The following ZDHHC15 variants were observed in gnomAD, a reference collection of about 807,000 sequenced individuals.
The protein encoded by ZDHHC15 is zDHHC palmitoyltransferase 15.
Under a neutral mutation model 31.7 loss-of-function variants are expected in ZDHHC15, and 19 were observed. That is an observed-to-expected ratio of 0.60 (90% CI 0.42 to 0.88). ZDHHC15 has a LOEUF of 0.88. Ranked by LOEUF, ZDHHC15 falls within the 40% of genes least tolerant of loss-of-function variation. ZDHHC15 has a pLI of 0.00. For missense variants in ZDHHC15, 209 were observed against 251.2 expected, an observed-to-expected ratio of 0.83 and a Z score of 1.14; for synonymous variants, 103 against 90.0, an observed-to-expected ratio of 1.14 and a Z score of -0.82.
At chrX:75,387,918 G>A (rs1048906338) in intron 10 of ZDHHC15, among the ~76,000 whole-genome samples, 1 of 111,738 alleles carries the variant, frequency 8.9e-6, no homozygotes, top group Non-Finnish European at 1.9e-5. Context: ...TCAAAGAGAA[G>A]ATCCTAAATA....
chrX:75,421,620 T>C (rs2083642627), intron 9 of ZDHHC15, among the ~76,000 whole-genome samples: 1 of 100,578 alleles, frequency 9.9e-6, no homozygotes, highest in Admixed American at 1.2e-4. Context: ...TTTTGATAGA[T>C]ATTACCAAAT....
chrX:75,411,869 G>A (rs2083489134), intron 10 of ZDHHC15, among the ~76,000 whole-genome samples: 1 of 111,919 alleles, frequency 8.9e-6, no homozygotes, highest in Non-Finnish European at 1.9e-5. Flanking sequence ...TTTGCAAACT[G>A]TATACCTGAT....
chrX:75,444,640 G>GTGTATA (rs1377565097), intron 4 of ZDHHC15, among the ~76,000 whole-genome samples: 2 of 22,729 alleles, frequency 8.8e-5, no homozygotes, highest in African/African-American at 4.7e-4. Context: ...AAGCAACACT[G>GTGTATA]TATATATATA....
chrX:75,432,447 A>G lies in ZDHHC15; in HGVS notation c.380-927T>C, dbSNP rs769035731. 9.8e-5 allele frequency among the ~76,000 whole-genome samples: 11 copies of G among 112,307 alleles called. No individual in the cohort carries two copies. The East Asian group carries it at 3.1e-3, about 31-fold the overall frequency. The stretch of plus-strand genomic sequence containing the variant: ...CAGAGATTTGTGTTTACTTCCACTA[A>G]TGGAAGTATGTGAGTGACTAAAGTC... On this transcript the variant is annotated intron_variant, in intron 4 of 11. Coordinates refer to ENST00000373367, the MANE Select transcript of ZDHHC15 (RefSeq NM_144969.3).
intron 10 of ZDHHC15, among the ~76,000 whole-genome samples, chrX:75,392,617 T>C (rs1253309292): frequency 2.7e-5 from 3 of 112,194 alleles, no homozygotes; most frequent in Non-Finnish European, 5.6e-5. Context: ...AACTATCCTT[T>C]GTACAACTGC....
intron 10 of ZDHHC15, chrX:75,384,866 A>G: frequency 2.1e-6 from 1 of 469,622 alleles, no homozygotes; most frequent in East Asian, 3.9e-5. Flanking sequence ...TCTGGGCTGT[A>G]AAAAAAAAGA....
intron 2 of ZDHHC15, among the ~76,000 whole-genome samples, chrX:75,492,672 T>C (rs1222634323): frequency 8.9e-6 from 1 of 111,752 alleles, no homozygotes; most frequent in African/African-American, 3.3e-5. Context: ...AACCTGCTCC[T>C]GAATGACTAC....
chrX:75,516,122 A>G (rs2085352142), intron 1 of ZDHHC15, among the ~76,000 whole-genome samples: 1 of 112,042 alleles, frequency 8.9e-6, no homozygotes, highest in East Asian at 2.8e-4. Context: ...ATGCTCATGG[A>G]TAGGAAGAAT....
rs185489371 is a variant in ZDHHC15, at chrX:75,438,906, A to G, written c.380-7386T>C. 8.0e-3 allele frequency among the ~76,000 whole-genome samples: 895 copies of G among 111,557 alleles called. 9 individuals are homozygous for G. Among genetic ancestry groups the G allele is most frequent in the African/African-American group, 0.027 (822 of 30,731 alleles). On this transcript the variant is annotated intron_variant, in intron 4 of 11. Transcript: ENST00000373367. The stretch of plus-strand genomic sequence containing the variant: ...CTAAAAAATATTTTATCTTTCCTTC[A>G]TTTATGAAGTTTTCTTTCGCTGGAT...
Position 75,431,431 on chromosome X carries a change from G to T in ZDHHC15, c.449+20C>A, listed in dbSNP as rs754122523. 2.3e-5 allele frequency: 27 copies of T among 1,199,360 alleles called. No homozygotes were observed. The Admixed American group carries it at 5.4e-4, about 24-fold the overall frequency. On this transcript the variant is annotated intron_variant, in intron 5 of 11. Transcript: ENST00000373367. The stretch of plus-strand genomic sequence containing the variant: ...TTCAGTGGCCAAGCCCAGCCCAGGG[G>T]AAATATGGCCGTCACTTACATAGCA...
At chrX:75,448,680 T>C (rs1055680047) in intron 4 of ZDHHC15, among the ~76,000 whole-genome samples, 1 of 111,625 alleles carries the variant, frequency 9.0e-6, no homozygotes, top group Admixed American at 9.5e-5. Flanking sequence ...TGTATCATGT[T>C]AGGTAAAATT....
intron 3 of ZDHHC15, among the ~76,000 whole-genome samples, chrX:75,460,069 T>C (rs1345843080): frequency 8.9e-6 from 1 of 112,160 alleles, no homozygotes; most frequent in African/African-American, 3.2e-5. Context: ...GAGATGGGGT[T>C]TCTCCATGTT....
At chrX:75,497,989 A>G (rs1041165915) in intron 2 of ZDHHC15, among the ~76,000 whole-genome samples, 1 of 105,139 alleles carries the variant, frequency 9.5e-6, no homozygotes, top group Non-Finnish European at 1.9e-5. Context: ...GCTGCAGTGC[A>G]ATGGCGTGAT....
intron 3 of ZDHHC15, among the ~76,000 whole-genome samples, chrX:75,457,314 G>T (rs1291246860): frequency 9.1e-6 from 1 of 109,420 alleles, no homozygotes; most frequent in Admixed American, 9.9e-5. Flanking sequence ...TCAAGTCTTT[G>T]GTCCATTAAA....
At chrX:75,392,326 A>AT (rs2147779676) in intron 10 of ZDHHC15, among the ~76,000 whole-genome samples, 1 of 112,033 alleles carries the variant, frequency 8.9e-6, no homozygotes, top group East Asian at 2.8e-4. Context: ...CTGTCTGCTT[A>AT]TATTCTAGCC....
rs775082461 is a variant in ZDHHC15, at chrX:75,496,238, C to A, written c.163+9583G>T. Among the ~76,000 whole-genome samples, 6 of 110,720 alleles carry A rather than the reference C, an allele frequency of 5.4e-5. 1 individual carries two copies. The Middle Eastern group carries it at 0.014, about 256-fold the overall frequency. The stretch of plus-strand genomic sequence containing the variant: ...TCAGACAAAACAGACTTTAAAGGAA[C>A]AAATTTAAAAAAGACAAAGAGAGAC... On this transcript the variant is annotated intron_variant, in intron 2 of 11. Transcript: ENST00000373367.
intron 2 of ZDHHC15, among the ~76,000 whole-genome samples, chrX:75,493,877 C>A (rs1227328963): frequency 9.0e-6 from 1 of 111,618 alleles, no homozygotes; most frequent in Non-Finnish European, 1.9e-5. Flanking sequence ...TGGCACAAGA[C>A]AGGGATGCCC....
At chrX:75,475,467 T>C (rs1371727176) in intron 3 of ZDHHC15, among the ~76,000 whole-genome samples, 1 of 112,344 alleles carries the variant, frequency 8.9e-6, no homozygotes, top group East Asian at 2.8e-4. Flanking sequence ...ACACCACTTG[T>C]TGAAGACTGT....
In ZDHHC15 at chrX:75,372,764, A is replaced by G. The variant is rs2147741393; in HGVS notation, c.*214T>C. 8.9e-6 allele frequency: 1 copy of G among 112,466 alleles called. No individual in the cohort carries two copies. The highest frequency in any genetic ancestry group is 3.7e-4 in the South Asian group (1 of 2,730). The allele number at this position is 112,466 out of a possible 1,213,427, so 9.3% of individuals were successfully genotyped here. ...CTTGAATTAACTGCTACCAAATTCCAAATTGGATTTCAGTCAGTAAATTAA... is the reference window on the plus strand; with the variant it reads ...CTTGAATTAACTGCTACCAAATTCCGAATTGGATTTCAGTCAGTAAATTAA... On this transcript the variant is annotated 3_prime_UTR_variant, in exon 12 of 12. Coordinates refer to ENST00000373367, the MANE Select transcript of ZDHHC15 (RefSeq NM_144969.3).
Sources: gnomAD v4.1 joint callset for allele counts (sites outside exome capture counted in the v4.1 genomes callset) on GRCh38, gnomAD v4.1.1 for gene constraint, MANE v1.5 for transcripts, NCBI Gene and HGNC (gene_info 2026-07-23, HGNC 2026-07-21) for gene names.